Variants in MYO1B observed in about 807,000 individuals in gnomAD.
MYO1B encodes unconventional myosin-Ib.
In MYO1B, 72 loss-of-function variants were observed where a neutral mutation model predicts 159.7. That is an observed-to-expected ratio of 0.45 (90% CI 0.37 to 0.55). The LOEUF is 0.55. Ranked by LOEUF, MYO1B falls within the 20% of genes least tolerant of loss-of-function variation. The pLI, the probability that MYO1B is intolerant of heterozygous loss-of-function variation, is 0.00. For synonymous variants in MYO1B, 468 were observed against 473.8 expected, an observed-to-expected ratio of 0.99 and a Z score of 0.16; for missense variants, 1,062 against 1,364.8, an observed-to-expected ratio of 0.78 and a Z score of 3.50.
intron 26 of MYO1B, among the ~76,000 whole-genome samples, chr2:191,410,383 A>T (rs1272593471): frequency 1.3e-5 from 2 of 152,140 alleles, no homozygotes; most frequent in African/African-American, 4.8e-5. Context: ...ATTTCTAGGA[A>T]TGCTCATCTA....
chr2:191,246,771 A>G (rs1370494950), intron 1 of MYO1B, among the ~76,000 whole-genome samples: 7 of 152,174 alleles, frequency 4.6e-5, no homozygotes, highest in African/African-American at 1.4e-4. Flanking sequence ...CCACCAGAAA[A>G]TTAGACATTG....
intron 3 of MYO1B, among the ~76,000 whole-genome samples, chr2:191,320,066 T>C (rs1044696060): frequency 6.6e-6 from 1 of 152,150 alleles, no homozygotes; most frequent in Non-Finnish European, 1.5e-5. Flanking sequence ...TGGAAGGTAT[T>C]GGGTGGCTGG....
At chr2:191,260,421 CAT>C (rs1171956159) in intron 1 of MYO1B, among the ~76,000 whole-genome samples, 1 of 151,574 alleles carries the variant, frequency 6.6e-6, no homozygotes, top group South Asian at 2.1e-4. Context: ...GTTTACATAA[CAT>C]TGGTTGTTTT....
intron 4 of MYO1B, among the ~76,000 whole-genome samples, chr2:191,335,235 A>G (rs908424373): frequency 3.3e-5 from 5 of 152,180 alleles, no homozygotes; most frequent in Non-Finnish European, 5.9e-5. Flanking sequence ...CTTTTCACTT[A>G]TGGAACCCAA....
chr2:191,356,337 C>CTTTTTTTTTTT (rs79525897), intron 7 of MYO1B, among the ~76,000 whole-genome samples: 32 of 106,398 alleles, frequency 3.0e-4, no homozygotes, highest in Non-Finnish European at 4.8e-4. Context: ...GGCTGGGCTT[C>CTTTTTTTTTTT]TTTTTTTTTT....
At chr2:191,403,963 T>A (rs1696760172) in intron 24 of MYO1B, among the ~76,000 whole-genome samples, 1 of 152,194 alleles carries the variant, frequency 6.6e-6, no homozygotes, top group Non-Finnish European at 1.5e-5. Context: ...TGTAGGGGAA[T>A]ATTATTTTAG....
Position 191,287,397 on chromosome 2 carries a change from G to A in MYO1B, c.136-8714G>A, listed in dbSNP as rs180833135. 6.4e-4 allele frequency among the ~76,000 whole-genome samples: 97 copies of A among 152,210 alleles called. 1 individual carries two copies. The East Asian group carries it at 0.013, about 21-fold the overall frequency. ...ACAAAAAAATTAGCTTGGCGTGGTG[G>A]CGGGCACCTGTAATCCCAGCTACTC... On this transcript the variant is annotated intron_variant, in intron 2 of 30. Coordinates refer to ENST00000392318, the MANE Select transcript of MYO1B (RefSeq NM_001130158.3).
intron 1 of MYO1B, among the ~76,000 whole-genome samples, chr2:191,271,965 G>A (rs1229815858): frequency 6.6e-6 from 1 of 152,178 alleles, no homozygotes; most frequent in Non-Finnish European, 1.5e-5. Flanking sequence ...AGTTTACGTG[G>A]TAGGTCACAG....
chr2:191,400,922 A>G (rs1163952248), intron 23 of MYO1B, 87 bp downstream of exon 23: 5 of 1,265,686 alleles, frequency 4.0e-6, no homozygotes, highest in Non-Finnish European at 4.5e-6. Context: ...ATGAATGACT[A>G]CAATTAATAG....
chr2:191,307,619 A>G (rs1689728468), intron 3 of MYO1B, among the ~76,000 whole-genome samples: 1 of 152,064 alleles, frequency 6.6e-6, no homozygotes, highest in South Asian at 2.1e-4. Context: ...CACTAACTAC[A>G]CAGTTAGCAC....
intron 2 of MYO1B, among the ~76,000 whole-genome samples, chr2:191,291,502 T>C (rs1476287793): frequency 6.6e-6 from 1 of 152,180 alleles, no homozygotes; most frequent in Non-Finnish European, 1.5e-5. Flanking sequence ...CTCTTTCCTT[T>C]CTTTTCCCTT....
At chr2:191,373,684 A>G (rs1223095502) in intron 13 of MYO1B, among the ~76,000 whole-genome samples, 3 of 152,228 alleles carry the variant, frequency 2.0e-5, no homozygotes, top group Non-Finnish European at 2.9e-5. Context: ...CTGAGGCAGG[A>G]AAATCGCTTG....
chr2:191,310,579 A>G lies in MYO1B; in HGVS notation c.251+14353A>G, dbSNP rs141703388. Among the ~76,000 whole-genome samples, 129 of 152,370 alleles carry G rather than the reference A, an allele frequency of 8.5e-4. 1 individual carries two copies. The East Asian group carries it at 0.013, about 16-fold the overall frequency. The stretch of plus-strand genomic sequence containing the variant: ...ACAAAAGACCAGTTTTGGCTATGGC[A>G]TAATGACCCTGAATGTTAGGAAAGG... On this transcript the variant is annotated intron_variant, in intron 3 of 30. Coordinates refer to ENST00000392318, the MANE Select transcript of MYO1B (RefSeq NM_001130158.3).
At chr2:191,265,602 G>A (rs1340089552) in intron 1 of MYO1B, among the ~76,000 whole-genome samples, 2 of 152,142 alleles carry the variant, frequency 1.3e-5, no homozygotes, top group African/African-American at 4.8e-5. Flanking sequence ...AGAGTCGGGT[G>A]TGCCAGTTAT....
intron 15 of MYO1B, 60 bp downstream of exon 15, chr2:191,383,402 A>G (rs2126077184): frequency 1.1e-6 from 1 of 931,978 alleles, no homozygotes; most frequent in East Asian, 3.3e-5. Flanking sequence ...ACCCTTATAA[A>G]TGTTCTCAGT....
At chr2:191,403,287 G>A (rs966041102) in intron 24 of MYO1B, among the ~76,000 whole-genome samples, 3 of 152,156 alleles carry the variant, frequency 2.0e-5, no homozygotes, top group Non-Finnish European at 2.9e-5. Flanking sequence ...AGAGAACCTC[G>A]AATTCAAATA....
chr2:191,407,724 T>C (rs1236247753), intron 24 of MYO1B: 1 of 153,604 alleles, frequency 6.5e-6, no homozygotes, highest in Non-Finnish European at 1.4e-5. Context: ...TGGAAACTGA[T>C]ACAGTTCTTC....
At chr2:191,387,136 A>G (rs570043698) in intron 16 of MYO1B, 88 bp from the exon 17 acceptor site, 2 of 1,318,910 alleles carry the variant, frequency 1.5e-6, no homozygotes, top group East Asian at 2.3e-5. Context: ...AGTGGCTGCA[A>G]TGTAGATAGT....
chr2:191,363,970 T>A, intron 10 of MYO1B, 95 bp downstream of exon 10: 1 of 1,494,254 alleles, frequency 6.7e-7, no homozygotes, highest in Non-Finnish European at 9.3e-7. Flanking sequence ...TTGCTTTGCA[T>A]TGGTTTGAGA....
Sources: gnomAD v4.1 joint callset for allele counts (sites outside exome capture counted in the v4.1 genomes callset) on GRCh38, gnomAD v4.1.1 for gene constraint, MANE v1.5 for transcripts, NCBI Gene and HGNC (gene_info 2026-07-23, HGNC 2026-07-21) for gene names.